C12orf42: variants seen among roughly 807,000 people sequenced by gnomAD.
C12orf42 encodes chromosome 12 open reading frame 42.
C12orf42 carries 25 observed loss-of-function variants against 21.6 expected under a neutral mutation model. The observed-to-expected ratio is 1.16, with a 90% CI of 0.84 to 1.62. The LOEUF is 1.62. Ranked by LOEUF, C12orf42 falls within the 40% of genes most tolerant of loss-of-function variation. C12orf42 has a pLI of 0.00. For synonymous variants in C12orf42, 174 were observed against 175.0 expected, an observed-to-expected ratio of 0.99 and a Z score of 0.05; for missense variants, 483 against 459.3, an observed-to-expected ratio of 1.05 and a Z score of -0.47.
At chr12:103,354,286 A>T (rs1187332804) in intron 4 of C12orf42, among the ~76,000 whole-genome samples, 1 of 152,160 alleles carries the variant, frequency 6.6e-6, no homozygotes, top group Non-Finnish European at 1.5e-5. Flanking sequence ...CATGCCTTTC[A>T]GTTCTAGGGA....
chr12:103,341,358 C>A (rs543559478), intron 4 of C12orf42, among the ~76,000 whole-genome samples: 14 of 151,998 alleles, frequency 9.2e-5, no homozygotes, highest in African/African-American at 3.4e-4. Context: ...ACAGCAAAAA[C>A]CCTCCTCCAA....
At chr12:103,518,681 T>C in the C12orf42 span, among the ~76,000 whole-genome samples, 1 of 152,194 alleles carries the variant, frequency 6.6e-6, no homozygotes, top group South Asian at 2.1e-4. Context: ...TGTTCAAACA[T>C]AGCAGGCAGC....
intron 4 of C12orf42, among the ~76,000 whole-genome samples, chr12:103,288,153 A>G (rs972381534): frequency 1.1e-4 from 16 of 152,210 alleles, no homozygotes; most frequent in Non-Finnish European, 2.9e-5. Flanking sequence ...AATTTACCAT[A>G]CACCATTAAT....
At chr12:103,089,555 C>A in the C12orf42 span, among the ~76,000 whole-genome samples, 1 of 149,120 alleles carries the variant, frequency 6.7e-6, no homozygotes, top group Non-Finnish European at 1.5e-5. Context: ...ATATATTTTT[C>A]TTAGTGATGC....
chr12:103,218,381 C>A, the C12orf42 span, among the ~76,000 whole-genome samples: 1 of 152,042 alleles, frequency 6.6e-6, no homozygotes, highest in South Asian at 2.1e-4. Context: ...ACAATGGTTG[C>A]ACAATATTGG....
the C12orf42 span, among the ~76,000 whole-genome samples, chr12:103,529,444 T>C: frequency 3.9e-5 from 6 of 152,352 alleles, no homozygotes; most frequent in South Asian, 1.2e-3. Flanking sequence ...TTGTGGTTAA[T>C]GAACTATTTC....
intron 4 of C12orf42, among the ~76,000 whole-genome samples, chr12:103,330,034 G>A (rs751404720): frequency 2.0e-5 from 3 of 152,000 alleles, no homozygotes; most frequent in African/African-American, 4.8e-5. Flanking sequence ...AAAATGTTGT[G>A]GGACCTCCTT....
At chr12:103,224,609 G>C in the C12orf42 span, among the ~76,000 whole-genome samples, 1 of 152,240 alleles carries the variant, frequency 6.6e-6, no homozygotes, top group African/African-American at 2.4e-5. Context: ...GGGACTTAAA[G>C]AGTGAGTACA....
intron 4 of C12orf42, among the ~76,000 whole-genome samples, chr12:103,339,621 G>A (rs1348969884): frequency 6.6e-6 from 1 of 152,122 alleles, no homozygotes; most frequent in Non-Finnish European, 1.5e-5. Flanking sequence ...TTAGAGAAAT[G>A]CAAATCAAAA....
At chr12:103,395,161 T>A (rs758562655) in intron 3 of C12orf42, among the ~76,000 whole-genome samples, 1 of 152,170 alleles carries the variant, frequency 6.6e-6, no homozygotes, top group Non-Finnish European at 1.5e-5. Context: ...GTTGAACTGG[T>A]CAATTGAATA....
At chr12:103,367,923 T>C (rs1052140259) in intron 4 of C12orf42, 2 of 493,920 alleles carry the variant, frequency 4.0e-6, no homozygotes, top group East Asian at 7.1e-5. Context: ...TGAATACATA[T>C]GTAATGAATT....
At chr12:103,544,637 T>C in the C12orf42 span, among the ~76,000 whole-genome samples, 1 of 152,220 alleles carries the variant, frequency 6.6e-6, no homozygotes, top group Non-Finnish European at 1.5e-5. Context: ...ATACCAAATA[T>C]GAAACCATCT....
At chr12:103,291,312 A>G (rs946711828) in intron 4 of C12orf42, among the ~76,000 whole-genome samples, 1 of 152,194 alleles carries the variant, frequency 6.6e-6, no homozygotes, top group African/African-American at 2.4e-5. Context: ...AGAGGATAAC[A>G]ATACACCATA....
intron 4 of C12orf42, among the ~76,000 whole-genome samples, chr12:103,277,627 C>CTT (rs548608007): frequency 1.4e-5 from 2 of 144,748 alleles, no homozygotes; most frequent in African/African-American, 5.1e-5. Flanking sequence ...TTTTCTTTTT[C>CTT]TTTTTTTTTT....
chr12:103,117,587 A>G, the C12orf42 span, among the ~76,000 whole-genome samples: 3 of 152,314 alleles, frequency 2.0e-5, no homozygotes, highest in African/African-American at 7.2e-5. Flanking sequence ...CTTCACATCA[A>G]TGCAGTGAGG....
chr12:103,373,178 A>G (rs180881971), intron 3 of C12orf42, among the ~76,000 whole-genome samples: 1 of 152,226 alleles, frequency 6.6e-6, no homozygotes, highest in Non-Finnish European at 1.5e-5. Context: ...GCAAACTTTC[A>G]CCACAAAGAT....
chr12:103,532,418 G>A, the C12orf42 span, among the ~76,000 whole-genome samples: 1 of 152,146 alleles, frequency 6.6e-6, no homozygotes, highest in African/African-American at 2.4e-5. Context: ...TTAGAAATAT[G>A]TACAAAATAT....
chr12:103,482,046 C>T (rs1272535609), intron 1 of C12orf42, among the ~76,000 whole-genome samples: 4 of 151,948 alleles, frequency 2.6e-5, no homozygotes, highest in African/African-American at 4.8e-5. Context: ...ATTTTAGCTG[C>T]CTAAATTGCT....
At chr12:103,220,058 A>G in the C12orf42 span, among the ~76,000 whole-genome samples, 2 of 152,236 alleles carry the variant, frequency 1.3e-5, no homozygotes, top group South Asian at 4.1e-4. Flanking sequence ...TGGCACATAT[A>G]CATCATGGAA....
Sources: allele counts gnomAD v4.1 joint callset (sites outside exome capture counted in the v4.1 genomes callset), GRCh38; gene constraint gnomAD v4.1.1; transcripts MANE v1.5; gene names NCBI Gene and HGNC (gene_info 2026-07-23, HGNC 2026-07-21).